ENTREP2: variants seen among roughly 807,000 people sequenced by gnomAD.
The protein encoded by ENTREP2 is protein ENTREP2.
chr15:29,356,153 T>A, the ENTREP2 span, among the ~76,000 whole-genome samples: 1 of 149,222 alleles, frequency 6.7e-6, no homozygotes, highest in East Asian at 1.9e-4. Context: ...GATGAGAAGA[T>A]TTTTATCTTT....
the ENTREP2 span, among the ~76,000 whole-genome samples, chr15:29,159,260 G>C: frequency 6.6e-6 from 1 of 152,052 alleles, no homozygotes; most frequent in African/African-American, 2.4e-5. Flanking sequence ...CTCTTAAGGC[G>C]GCGTGTCTGA....
chr15:29,171,763 A>AG, the ENTREP2 span, among the ~76,000 whole-genome samples: 1 of 152,196 alleles, frequency 6.6e-6, no homozygotes, highest in Non-Finnish European at 1.5e-5. Flanking sequence ...AATAATTGGC[A>AG]AGGAAAACCA....
At chr15:29,216,616 G>A in the ENTREP2 span, among the ~76,000 whole-genome samples, 12 of 152,044 alleles carry the variant, frequency 7.9e-5, no homozygotes, top group African/African-American at 2.9e-4. Context: ...TCTTAGGGTT[G>A]GTCATTTTGT....
At chr15:29,564,010 A>G in the ENTREP2 span, among the ~76,000 whole-genome samples, 2 of 152,110 alleles carry the variant, frequency 1.3e-5, no homozygotes, top group African/African-American at 4.8e-5. Flanking sequence ...TTTTCACTGA[A>G]TAAATGTTGC....
At chr15:29,652,358 T>G in the ENTREP2 span, among the ~76,000 whole-genome samples, 1 of 152,192 alleles carries the variant, frequency 6.6e-6, no homozygotes, top group Non-Finnish European at 1.5e-5. Flanking sequence ...TACTGCTCAG[T>G]AAAGCTCCTC....
chr15:29,221,946 A>G, the ENTREP2 span, among the ~76,000 whole-genome samples: 1 of 152,144 alleles, frequency 6.6e-6, no homozygotes, highest in African/African-American at 2.4e-5. Context: ...AAAAACATTA[A>G]ATTAGGAGCT....
At chr15:29,421,373 T>G in the ENTREP2 span, among the ~76,000 whole-genome samples, 2 of 152,214 alleles carry the variant, frequency 1.3e-5, no homozygotes, top group African/African-American at 2.4e-5. Flanking sequence ...AATGAAAAGC[T>G]AAATCCTCAC....
chr15:29,443,653 AAC>A, the ENTREP2 span, among the ~76,000 whole-genome samples: 3 of 152,172 alleles, frequency 2.0e-5, no homozygotes, highest in African/African-American at 7.2e-5. Flanking sequence ...AAGCAAAAGA[AAC>A]ACAAGTTACA....
chr15:29,323,207 G>A, the ENTREP2 span, among the ~76,000 whole-genome samples: 1 of 152,188 alleles, frequency 6.6e-6, no homozygotes, highest in Non-Finnish European at 1.5e-5. Flanking sequence ...TCACTGGAAA[G>A]ACAGAGGCAG....
chr15:29,141,318 TGTGA>T, the ENTREP2 span, among the ~76,000 whole-genome samples: 1 of 152,208 alleles, frequency 6.6e-6, no homozygotes, highest in Non-Finnish European at 1.5e-5. Context: ...TTTCTGATCC[TGTGA>T]GTCTCAGTCC....
the ENTREP2 span, among the ~76,000 whole-genome samples, chr15:29,548,810 T>C: frequency 6.6e-6 from 1 of 152,214 alleles, no homozygotes; most frequent in South Asian, 2.1e-4. Context: ...TTATCCTCTA[T>C]ACTGGTCTAT....
chr15:29,184,671 ACCAGTTC>A, the ENTREP2 span, among the ~76,000 whole-genome samples: 1 of 152,174 alleles, frequency 6.6e-6, no homozygotes, highest in South Asian at 2.1e-4. Context: ...GGCTGCATAA[ACCAGTTC>A]CCAAAGGATG....
At chr15:29,657,491 G>T in the ENTREP2 span, among the ~76,000 whole-genome samples, 11 of 135,998 alleles carry the variant, frequency 8.1e-5, 2 homozygotes, top group Admixed American at 7.8e-4. Context: ...GGCGGGGGGG[G>T]GGGGTGGCCA....
At chr15:29,346,897 G>A in the ENTREP2 span, among the ~76,000 whole-genome samples, 1 of 152,170 alleles carries the variant, frequency 6.6e-6, no homozygotes, top group African/African-American at 2.4e-5. Flanking sequence ...TGAAAGCTCT[G>A]ATCAAATCTA....
At chr15:29,344,657 G>T in the ENTREP2 span, among the ~76,000 whole-genome samples, 10 of 152,120 alleles carry the variant, frequency 6.6e-5, no homozygotes, top group Non-Finnish European at 1.2e-4. Context: ...GAGGTGGAGT[G>T]GGGAGGAGTG....
the ENTREP2 span, among the ~76,000 whole-genome samples, chr15:29,154,101 T>C: frequency 6.6e-6 from 1 of 152,270 alleles, no homozygotes; most frequent in African/African-American, 2.4e-5. Flanking sequence ...TGTATGTCTA[T>C]GTGATATCTT....
the ENTREP2 span, among the ~76,000 whole-genome samples, chr15:29,440,070 T>C: frequency 0.064 from 9,726 of 152,100 alleles, 375 homozygotes; most frequent in African/African-American, 0.08. Context: ...CTTCAAAGTG[T>C]CAAGGTCATG....
the ENTREP2 span, chr15:29,613,513 T>G: frequency 2.1e-5 from 7 of 339,790 alleles, no homozygotes; most frequent in African/African-American, 8.8e-5. Context: ...GACCACATCA[T>G]GAACACCTCC....
At chr15:29,359,730 A>T in the ENTREP2 span, among the ~76,000 whole-genome samples, 3 of 152,066 alleles carry the variant, frequency 2.0e-5, no homozygotes, top group Non-Finnish European at 4.4e-5. Flanking sequence ...CAATTATTCT[A>T]TCTATTGTTG....
Sources: gnomAD v4.1 joint callset for allele counts (sites outside exome capture counted in the v4.1 genomes callset) on GRCh38, gnomAD v4.1.1 for gene constraint, MANE v1.5 for transcripts, NCBI Gene and HGNC (gene_info 2026-07-23, HGNC 2026-07-21) for gene names.